TRPV5: variants seen among roughly 807,000 people sequenced by gnomAD.
TRPV5 encodes calcium transport protein 2.
TRPV5 carries 66 observed loss-of-function variants against 74.1 expected under a neutral mutation model. That is an observed-to-expected ratio of 0.89 (90% CI 0.73 to 1.09). The LOEUF is 1.09. TRPV5 is among the 50% of genes least tolerant of loss of function. The probability of loss-of-function intolerance (pLI) is 0.00; values close to 1 mark genes in which losing one functional copy is unlikely to be tolerated. For synonymous variants in TRPV5, 399 were observed against 360.7 expected (o/e 1.11, Z -1.20); for missense variants, 936 against 930.4 (o/e 1.01, Z -0.08).
intron 6 of TRPV5, among the ~76,000 whole-genome samples, 189 bp from the exon 7 acceptor site, chr7:142,928,423 A>G (rs1796025443): frequency 6.6e-6 from 1 of 152,224 alleles, no homozygotes; most frequent in Admixed American, 6.5e-5. Flanking sequence ...AAAGTGCAGA[A>G]AGAAGAAAAT....
chr7:142,928,362 G>A, intron 6 of TRPV5, 128 bp from the exon 7 acceptor site: 1 of 1,001,784 alleles, frequency 1.0e-6, no homozygotes, highest in Middle Eastern at 2.2e-4. Context: ...GCAAACCTCT[G>A]CATCTACAAG....
intron 1 of TRPV5, 135 bp downstream of exon 1, chr7:142,933,197 G>T: frequency 8.1e-7 from 1 of 1,236,096 alleles, no homozygotes; most frequent in Non-Finnish European, 1.1e-6. Context: ...AGGTGGGCTG[G>T]AAGGAAAGGG....
At chr7:142,927,944 C>T in intron 7 of TRPV5, 144 bp downstream of exon 7, 1 of 976,988 alleles carries the variant, frequency 1.0e-6, no homozygotes, top group Non-Finnish European at 1.5e-6. Context: ...TGGACTTTCC[C>T]CCATGTCCCA....
chr7:142,912,471 A>G lies in TRPV5; in HGVS notation c.1788+11T>C, dbSNP rs1358708149. ...CCTGCTTCTTAGCAAGACTAACACA[A>G]ATAAACTCACCTGGGCCCTCCAGAG... On this transcript the variant is annotated intron_variant, in intron 13 of 14. Transcript: ENST00000265310. The G allele has an allele frequency of 3.7e-6, 6 of 1,608,256 alleles. No homozygotes were observed. Among genetic ancestry groups the G allele is most frequent in the South Asian group, 1.1e-5 (1 of 90,888 alleles).
At chr7:142,917,332 A>C (rs1026721198) in intron 8 of TRPV5, among the ~76,000 whole-genome samples, 3 of 152,200 alleles carry the variant, frequency 2.0e-5, no homozygotes, top group Admixed American at 6.5e-5. Flanking sequence ...AAATAACTGC[A>C]TCTATGCCAT....
intron 8 of TRPV5, chr7:142,925,315 T>G: frequency 1.7e-6 from 1 of 599,176 alleles, no homozygotes. Context: ...AAAGTTTGTG[T>G]GAGAAAATCC....
At chr7:142,919,820 T>C (rs1273469436) in intron 8 of TRPV5, among the ~76,000 whole-genome samples, 1 of 152,142 alleles carries the variant, frequency 6.6e-6, no homozygotes, top group Non-Finnish European at 1.5e-5. Context: ...GCCAGGGATG[T>C]ACTATGTGGA....
At chr7:142,920,131 C>T (rs967201156) in intron 8 of TRPV5, among the ~76,000 whole-genome samples, 3 of 152,108 alleles carry the variant, frequency 2.0e-5, no homozygotes, top group Non-Finnish European at 2.9e-5. Context: ...GTTCTGTAGG[C>T]GTTTTGGACG....
intron 8 of TRPV5, among the ~76,000 whole-genome samples, chr7:142,923,485 T>A (rs1050447049): frequency 6.6e-6 from 1 of 152,102 alleles, no homozygotes; most frequent in Non-Finnish European, 1.5e-5. Context: ...GCATAGGGAC[T>A]TTTCATTAGC....
intron 13 of TRPV5, among the ~76,000 whole-genome samples, chr7:142,911,158 T>C (rs141815960): frequency 2.7e-3 from 404 of 152,300 alleles, no homozygotes; most frequent in African/African-American, 9.2e-3. Flanking sequence ...TTTTGGAGTT[T>C]GGAGCTTCTA....
At chr7:142,915,096 G>C in intron 10 of TRPV5, 50 bp from the exon 11 acceptor site, 2 of 1,598,010 alleles carry the variant, frequency 1.3e-6, no homozygotes, top group Non-Finnish European at 1.7e-6. Context: ...ACTATTTTAG[G>C]TCCCTACAGC....
At chr7:142,916,993 C>A (rs1041628309) in intron 8 of TRPV5, among the ~76,000 whole-genome samples, 2 of 150,628 alleles carry the variant, frequency 1.3e-5, no homozygotes, top group Non-Finnish European at 2.9e-5. Flanking sequence ...CATATAATAG[C>A]AAATTTCTTT....
chr7:142,924,290 GTA>G (rs1296205561), intron 8 of TRPV5, among the ~76,000 whole-genome samples: 1 of 81,102 alleles, frequency 1.2e-5, no homozygotes, highest in Admixed American at 1.6e-4. Flanking sequence ...ACATATACAT[GTA>G]TATATATACA....
intron 12 of TRPV5, among the ~76,000 whole-genome samples, chr7:142,913,113 G>A (rs1257664095): frequency 2.6e-5 from 4 of 152,094 alleles, no homozygotes; most frequent in Non-Finnish European, 5.9e-5. Flanking sequence ...TACTTAAAAG[G>A]CAAGTTATTA....
intron 8 of TRPV5, among the ~76,000 whole-genome samples, chr7:142,922,838 T>C (rs927484903): frequency 6.6e-6 from 1 of 152,032 alleles, no homozygotes; most frequent in Non-Finnish European, 1.5e-5. Flanking sequence ...ATTAATAGAG[T>C]TCTGGGAAAT....
intron 1 of TRPV5, among the ~76,000 whole-genome samples, chr7:142,930,960 C>A (rs1042351526): frequency 2.0e-5 from 3 of 149,808 alleles, no homozygotes; most frequent in African/African-American, 7.4e-5. Context: ...CTTTCCTAGG[C>A]ATTTTGAAAT....
At chr7:142,921,384 C>A (rs886332685) in intron 8 of TRPV5, among the ~76,000 whole-genome samples, 2 of 152,160 alleles carry the variant, frequency 1.3e-5, no homozygotes, top group African/African-American at 2.4e-5. Context: ...CACGTTCAAG[C>A]GATTCTCCTC....
intron 1 of TRPV5, 60 bp from the exon 2 acceptor site, chr7:142,930,506 A>G: frequency 8.0e-7 from 1 of 1,243,312 alleles, no homozygotes; most frequent in Non-Finnish European, 1.2e-6. Flanking sequence ...GGCCAAGAGC[A>G]AAGGGGATCT....
chr7:142,929,289 G>T, intron 4 of TRPV5, 139 bp downstream of exon 4: 1 of 1,493,068 alleles, frequency 6.7e-7, no homozygotes, highest in Non-Finnish European at 9.0e-7. Context: ...TGGGCCTCTG[G>T]CTTAATTAAG....
Sources: allele counts gnomAD v4.1 joint callset (sites outside exome capture counted in the v4.1 genomes callset), GRCh38; gene constraint gnomAD v4.1.1; transcripts MANE v1.5; gene names NCBI Gene and HGNC (gene_info 2026-07-23, HGNC 2026-07-21).